The following GPC6 variants were observed in gnomAD, a reference collection of about 807,000 sequenced individuals.
GPC6 encodes the protein glypican-6.
GPC6 carries 14 observed loss-of-function variants against 55.2 expected under a neutral mutation model. That is an observed-to-expected ratio of 0.25 (90% CI 0.17 to 0.40). The LOEUF is 0.40. GPC6 is among the 10% of genes least tolerant of loss of function. The pLI is 1.00. For synonymous variants in GPC6, 278 were observed against 259.6 expected (o/e 1.07, Z -0.68); for missense variants, 641 against 708.5 (o/e 0.90, Z 1.08).
intron 4 of GPC6, among the ~76,000 whole-genome samples, chr13:94,274,720 C>T (rs1222417216): frequency 6.6e-6 from 1 of 151,238 alleles, no homozygotes; most frequent in Non-Finnish European, 1.5e-5. Context: ...CAGGAACTAC[C>T]TTGTTTGGTA....
intron 3 of GPC6, among the ~76,000 whole-genome samples, chr13:93,836,361 A>G (rs756943778): frequency 4.9e-4 from 75 of 152,232 alleles, no homozygotes; most frequent in Non-Finnish European, 9.1e-4. Context: ...GAAAGAATTG[A>G]GAATACAAAG....
chr13:94,350,645 C>G (rs1878494673), intron 6 of GPC6, among the ~76,000 whole-genome samples: 1 of 152,040 alleles, frequency 6.6e-6, no homozygotes, highest in African/African-American at 2.4e-5. Context: ...TAATATGATA[C>G]TCATAATATG....
chr13:93,406,512 T>C lies in GPC6; in HGVS notation c.161-138751T>C, dbSNP rs1436371523. On this transcript the variant is annotated intron_variant, in intron 1 of 8. Transcript: ENST00000377047. Reference sequence around the variant, plus strand: ...AGGTTATATTAGAAAAGTAATTTACTTCTATAAGTAAAGTTTATAAAAATG... The same window carrying C: ...AGGTTATATTAGAAAAGTAATTTACCTCTATAAGTAAAGTTTATAAAAATG... 4.6e-5 allele frequency among the ~76,000 whole-genome samples: 7 copies of C among 152,198 alleles called. No individual in the cohort carries two copies. In the East Asian group the frequency reaches 7.7e-4, roughly 17 times the overall value.
intron 4 of GPC6, among the ~76,000 whole-genome samples, chr13:94,181,119 A>G (rs1462294617): frequency 6.6e-6 from 1 of 152,172 alleles, no homozygotes; most frequent in Admixed American, 6.5e-5. Flanking sequence ...GGACTCATCA[A>G]TCGTATTTCC....
At chr13:93,405,250 T>G (rs1876242042) in intron 1 of GPC6, among the ~76,000 whole-genome samples, 1 of 152,050 alleles carries the variant, frequency 6.6e-6, no homozygotes, top group Non-Finnish European at 1.5e-5. Context: ...TGTGGATCTA[T>G]CTCCTGGCAC....
At chr13:94,303,392 G>A (rs1175766575) in intron 5 of GPC6, among the ~76,000 whole-genome samples, 1 of 152,146 alleles carries the variant, frequency 6.6e-6, no homozygotes, top group Non-Finnish European at 1.5e-5. Context: ...TTTAAAGGTG[G>A]ATCCGGTCAC....
At chr13:94,312,708 G>GCA (rs1414191720) in intron 6 of GPC6, among the ~76,000 whole-genome samples, 4 of 125,318 alleles carry the variant, frequency 3.2e-5, no homozygotes, top group Non-Finnish European at 6.9e-5. Flanking sequence ...AGACACACAC[G>GCA]CACACGCGCA....
chr13:94,269,143 G>A (rs1042212595), intron 4 of GPC6, among the ~76,000 whole-genome samples: 1 of 152,200 alleles, frequency 6.6e-6, no homozygotes, highest in Non-Finnish European at 1.5e-5. Flanking sequence ...GGAAGTGGAT[G>A]TTAACAGGTG....
intron 4 of GPC6, among the ~76,000 whole-genome samples, chr13:94,094,756 T>C (rs1168078190): frequency 6.6e-6 from 1 of 152,154 alleles, no homozygotes; most frequent in Non-Finnish European, 1.5e-5. Flanking sequence ...ACAGATTACT[T>C]TTTCCTTCAT....
intron 2 of GPC6, among the ~76,000 whole-genome samples, chr13:93,664,127 TAAA>T (rs1353603824): frequency 1.3e-5 from 2 of 152,050 alleles, no homozygotes; most frequent in African/African-American, 4.8e-5. Flanking sequence ...TGGTAAACAA[TAAA>T]AAATGATAAG....
chr13:93,723,848 A>G (rs1883536087), intron 2 of GPC6, among the ~76,000 whole-genome samples: 1 of 151,974 alleles, frequency 6.6e-6, no homozygotes, highest in South Asian at 2.1e-4. Context: ...ATTTAGTTCA[A>G]AAAAATCCTA....
At chr13:93,437,752 C>T (rs1207643940) in intron 1 of GPC6, among the ~76,000 whole-genome samples, 3 of 152,084 alleles carry the variant, frequency 2.0e-5, no homozygotes, top group African/African-American at 4.8e-5. Flanking sequence ...GCAAGTTATC[C>T]AGAAAAATAG....
intron 4 of GPC6, among the ~76,000 whole-genome samples, chr13:94,152,424 A>T (rs1887773577): frequency 6.6e-6 from 1 of 152,084 alleles, no homozygotes; most frequent in Non-Finnish European, 1.5e-5. Flanking sequence ...TTAAAAAGTC[A>T]CTCATTTATT....
At chr13:93,658,954 G>C (rs1329590534) in intron 2 of GPC6, among the ~76,000 whole-genome samples, 1 of 151,640 alleles carries the variant, frequency 6.6e-6, no homozygotes, top group African/African-American at 2.4e-5. Flanking sequence ...ACCATTAATG[G>C]TTCATTAAAT....
chr13:93,372,229 T>C (rs905415545), intron 1 of GPC6, among the ~76,000 whole-genome samples: 42 of 60,860 alleles, frequency 6.9e-4, no homozygotes, highest in South Asian at 3.0e-3. Context: ...TAAAAAAGAT[T>C]TGTAGTAACA....
intron 1 of GPC6, among the ~76,000 whole-genome samples, chr13:93,419,172 A>G (rs935098321): frequency 1.3e-4 from 20 of 151,266 alleles, no homozygotes; most frequent in Admixed American, 2.6e-4. Flanking sequence ...GTGAGGAAAC[A>G]TTTAATACTG....
At chr13:94,050,659 G>A (rs1429254222) in intron 4 of GPC6, among the ~76,000 whole-genome samples, 1 of 152,142 alleles carries the variant, frequency 6.6e-6, no homozygotes, top group African/African-American at 2.4e-5. Flanking sequence ...GCGCTAAGGT[G>A]CCAGGATGGC....
chr13:94,332,670 G>A (rs1015288690), intron 6 of GPC6, among the ~76,000 whole-genome samples: 12 of 152,188 alleles, frequency 7.9e-5, no homozygotes, highest in African/African-American at 2.9e-4. Context: ...AAATAATAAT[G>A]CCGTTGTGTC....
chr13:93,973,399 A>T (rs896591563), intron 3 of GPC6, among the ~76,000 whole-genome samples: 4 of 152,328 alleles, frequency 2.6e-5, no homozygotes, highest in Non-Finnish European at 5.9e-5. Flanking sequence ...TATTTCCATT[A>T]TCACATTTGG....
Sources: allele counts gnomAD v4.1 joint callset (sites outside exome capture counted in the v4.1 genomes callset), GRCh38; gene constraint gnomAD v4.1.1; transcripts MANE v1.5; gene names NCBI Gene and HGNC (gene_info 2026-07-23, HGNC 2026-07-21).